Variants in DGKE observed in about 807,000 individuals in gnomAD.
DGKE encodes the protein DAG kinase epsilon.
Under a neutral mutation model 70.0 loss-of-function variants are expected in DGKE, and 53 were observed. The observed-to-expected ratio is 0.76, with a 90% CI of 0.61 to 0.95. The LOEUF (loss-of-function observed/expected upper bound fraction) is 0.95. Ranked by LOEUF, DGKE falls within the 40% of genes least tolerant of loss-of-function variation. The pLI, the probability that DGKE is intolerant of heterozygous loss-of-function variation, is 0.00. For missense variants in DGKE, 655 were observed against 706.9 expected (o/e 0.93, Z 0.83); for synonymous variants, 291 against 257.0 (o/e 1.13, Z -1.27).
At chr17:56,860,155 T>C (rs1908206557) in intron 9 of DGKE, among the ~76,000 whole-genome samples, 1 of 152,212 alleles carries the variant, frequency 6.6e-6, no homozygotes, top group Admixed American at 6.5e-5. Context: ...ATTTTATTTA[T>C]ATACCTACAA....
chr17:56,851,561 A>G (rs945646688), intron 7 of DGKE, among the ~76,000 whole-genome samples: 12 of 152,344 alleles, frequency 7.9e-5, no homozygotes, highest in African/African-American at 2.9e-4. Context: ...TACCCTAGCA[A>G]GAGCTGCTTT....
chr17:56,862,647 G>C lies in DGKE; in HGVS notation c.1560G>C (p.Val520=). ...AGTGCTCCATGATGCCAATGCAGGT[G>C]GATGGGGAGCCTTGGGCCCAAGGGC... ...ILKCSMMPMQ[V]DGEPWAQGPC... Residue 520 remains valine (V), a synonymous_variant, in exon 12 of 12, where the codon GTG becomes GTC. Transcript: ENST00000284061. 6.3e-7 allele frequency: 1 copy of C among 1,582,042 alleles called. No individual in the cohort carries two copies. Among genetic ancestry groups the C allele is most frequent in the Non-Finnish European group, 8.5e-7 (1 of 1,170,236 alleles).
At chr17:56,856,420 CAAAAG>C (rs1451739530) in intron 7 of DGKE, 87 bp from the exon 8 acceptor site, 1 of 1,385,582 alleles carries the variant, frequency 7.2e-7, no homozygotes, top group Non-Finnish European at 9.7e-7. Flanking sequence ...TCTCCATTGT[CAAAAG>C]AACACAAAGA....
intron 2 of DGKE, among the ~76,000 whole-genome samples, chr17:56,842,298 A>C (rs1441395178): frequency 6.6e-6 from 1 of 152,146 alleles, no homozygotes; most frequent in Non-Finnish European, 1.5e-5. Flanking sequence ...GTTCATGTTT[A>C]TATTCTGGTT....
At position 56,862,613 on chromosome 17, in the gene DGKE, T is replaced by A. The variant is rs2144302106; in HGVS notation, c.1526T>A (p.Leu509Gln). The change falls in exon 12 of 12, where the codon CTG (leucine) becomes CAG (glutamine). Residue 509 changes from leucine to glutamine, a missense_variant and splice_region_variant. Coordinates refer to ENST00000284061, the MANE Select transcript of DGKE (RefSeq NM_003647.3). Reference sequence around the variant, plus strand: ...ACATTATTTGTTCCCTAATATCAGCTGATTTTGAAGTGCTCCATGATGCCA... The same window carrying A: ...ACATTATTTGTTCCCTAATATCAGCAGATTTTGAAGTGCTCCATGATGCCA... ...FRIGQAHTVR[L>Q]ILKCSMMPMQ... The A allele has an allele frequency of 6.5e-7, 1 of 1,538,482 alleles. No individual in the cohort carries two copies.
intron 9 of DGKE, among the ~76,000 whole-genome samples, chr17:56,859,725 G>A (rs3785473): frequency 0.12 from 18,306 of 152,240 alleles, 1,224 homozygotes; most frequent in South Asian, 0.16. Flanking sequence ...GCCAGATATG[G>A]CAGTCTTATA....
intron 2 of DGKE, among the ~76,000 whole-genome samples, chr17:56,842,030 A>G (rs1907014318): frequency 6.6e-6 from 1 of 152,300 alleles, no homozygotes; most frequent in South Asian, 2.1e-4. Flanking sequence ...ATGATGTAAT[A>G]ATATACATTC....
At chr17:56,836,489 C>T (rs1030367851) in intron 2 of DGKE, 3 of 152,174 alleles carry the variant, frequency 2.0e-5, no homozygotes, top group African/African-American at 7.2e-5. Context: ...CTATTTCCTT[C>T]CCTTCTCTGG....
At chr17:56,846,947 A>G (rs1057398500) in intron 4 of DGKE, among the ~76,000 whole-genome samples, 1 of 152,158 alleles carries the variant, frequency 6.6e-6, no homozygotes, top group African/African-American at 2.4e-5. Context: ...GTTTCAACAT[A>G]GTCCTCATAG....
rs751699445 is a variant in DGKE, at chr17:56,856,634, G to C, written c.1212+9G>C. The C allele has an allele frequency of 6.2e-7, 1 of 1,607,328 alleles. No individual in the cohort carries two copies. Among genetic ancestry groups the C allele is most frequent in the Non-Finnish European group, 8.5e-7 (1 of 1,177,222 alleles). Reference sequence around the variant, plus strand: ...GCAGAATTCTTAATAAGGTGTGTTGGATAAAATAACATTTCCTGCTTATCA... The same window carrying C: ...GCAGAATTCTTAATAAGGTGTGTTGCATAAAATAACATTTCCTGCTTATCA... On this transcript the variant is annotated intron_variant, in intron 8 of 11. Coordinates refer to ENST00000284061, the MANE Select transcript of DGKE (RefSeq NM_003647.3).
At position 56,867,179 on chromosome 17, in the gene DGKE, T is replaced by C. The variant is rs1908555461; in HGVS notation, c.*4388T>C. 6.6e-6 allele frequency: 1 copy of C among 152,254 alleles called. No homozygotes were observed. Among genetic ancestry groups the C allele is most frequent in the Non-Finnish European group, 1.5e-5 (1 of 68,050 alleles). The allele number at this position is 152,254 out of a possible 1,614,324, so 9.4% of individuals were successfully genotyped here. Reference sequence around the variant, plus strand: ...AGCCCAGAAAGGTACATTCCAGGGTTCTGGGGAAAGAATTTTAAAATGCCA... The same window carrying C: ...AGCCCAGAAAGGTACATTCCAGGGTCCTGGGGAAAGAATTTTAAAATGCCA... On this transcript the variant is annotated 3_prime_UTR_variant, in exon 12 of 12. Transcript: ENST00000284061.
intron 2 of DGKE, among the ~76,000 whole-genome samples, chr17:56,842,376 A>G (rs1160816247): frequency 6.6e-6 from 1 of 152,208 alleles, no homozygotes; most frequent in Non-Finnish European, 1.5e-5. Context: ...CCCATTCCTC[A>G]GTCCTACTTT....
chr17:56,845,298 C>G (rs1567813649), intron 3 of DGKE, among the ~76,000 whole-genome samples: 1 of 152,004 alleles, frequency 6.6e-6, no homozygotes, highest in Non-Finnish European at 1.5e-5. Context: ...GGTGAAAGGT[C>G]AGAGAAAAAA....
rs753067485 is a variant in DGKE at position 56,856,662 on chromosome 17, G to A, written c.1212+37G>A. The A allele has an allele frequency of 2.4e-5, 38 of 1,583,098 alleles. No homozygotes were observed. In the Admixed American group the frequency reaches 2.5e-4, roughly 11 times the overall value. The stretch of plus-strand genomic sequence containing the variant: ...AAAATAACATTTCCTGCTTATCACC[G>A]AAGGTACAGTAAAAATCAATAGTTC... On this transcript the variant is annotated intron_variant, in intron 8 of 11. Coordinates refer to ENST00000284061, the MANE Select transcript of DGKE (RefSeq NM_003647.3).
intron 10 of DGKE, 51 bp downstream of exon 10, chr17:56,861,969 A>G (rs981629600): frequency 6.4e-7 from 1 of 1,556,024 alleles, no homozygotes; most frequent in African/African-American, 1.4e-5. Context: ...ATTTAAAGCA[A>G]TCTCTTGTTT....
intron 2 of DGKE, among the ~76,000 whole-genome samples, chr17:56,837,383 G>T (rs1172772878): frequency 6.6e-6 from 1 of 152,004 alleles, no homozygotes; most frequent in African/African-American, 2.4e-5. Flanking sequence ...TCTTAATTTT[G>T]TATCCTCCCA....
intron 7 of DGKE, among the ~76,000 whole-genome samples, chr17:56,855,787 C>T (rs951168862): frequency 6.6e-5 from 10 of 152,054 alleles, no homozygotes; most frequent in Non-Finnish European, 1.3e-4. Context: ...AGGCGAATCA[C>T]GAGGTCAGGA....
intron 1 of DGKE, 71 bp from the exon 2 acceptor site, chr17:56,834,707 C>T (rs780231321): frequency 1.2e-4 from 170 of 1,436,700 alleles, no homozygotes; most frequent in Non-Finnish European, 1.5e-4. Context: ...GGTTTGGCCC[C>T]GGAAAGGCAG....
chr17:56,849,320 T>G (rs1907508728), intron 7 of DGKE, 88 bp downstream of exon 7: 1 of 1,219,652 alleles, frequency 8.2e-7, no homozygotes, highest in African/African-American at 1.5e-5. Context: ...GACCTGGTGC[T>G]TATCTCAAGG....
Sources: gnomAD v4.1 joint callset for allele counts (sites outside exome capture counted in the v4.1 genomes callset) on GRCh38, gnomAD v4.1.1 for gene constraint, MANE v1.5 for transcripts, NCBI Gene and HGNC (gene_info 2026-07-23, HGNC 2026-07-21) for gene names.